Variants in PCDHGB7 observed in about 807,000 individuals in gnomAD.
PCDHGB7 encodes the protein protocadherin gamma subfamily B, 7.
A neutral mutation model predicts 61.4 loss-of-function variants in PCDHGB7; 37 were observed. The observed-to-expected ratio is 0.60, with a 90% confidence interval of 0.46 to 0.79. The LOEUF is 0.79. Ranked by LOEUF, PCDHGB7 falls within the 30% of genes least tolerant of loss-of-function variation. The pLI is 0.00. For synonymous variants in PCDHGB7, 464 were observed against 503.5 expected, an observed-to-expected ratio of 0.92 and a Z score of 1.05; for missense variants, 1,166 against 1,202.5, an observed-to-expected ratio of 0.97 and a Z score of 0.45.
At chr5:141,453,083 A>G (rs1404530649) in intron 1 of PCDHGB7, among the ~76,000 whole-genome samples, 1 of 152,044 alleles carries the variant, frequency 6.6e-6, no homozygotes, top group African/African-American at 2.4e-5. Flanking sequence ...CTGGTTGATT[A>G]GTATATTTTC....
intron 1 of PCDHGB7, chr5:141,423,165 C>T (rs1307049367): frequency 6.8e-6 from 11 of 1,613,434 alleles, no homozygotes; most frequent in Admixed American, 3.3e-5. Context: ...TCGTGGTGGC[C>T]GTCCAGGACC....
intron 1 of PCDHGB7, among the ~76,000 whole-genome samples, chr5:141,457,384 G>A (rs2154565902): frequency 6.6e-6 from 1 of 152,270 alleles, no homozygotes; most frequent in African/African-American, 2.4e-5. Context: ...CCCAGAACTA[G>A]CATATTGATT....
chr5:141,437,434 G>A (rs183505868), intron 1 of PCDHGB7, among the ~76,000 whole-genome samples: 409 of 152,312 alleles, frequency 2.7e-3, no homozygotes, highest in Middle Eastern at 6.8e-3. Flanking sequence ...AGCAGCAATA[G>A]CATAGGAATG....
chr5:141,457,410 C>G (rs746966828), intron 1 of PCDHGB7, among the ~76,000 whole-genome samples: 1 of 152,182 alleles, frequency 6.6e-6, no homozygotes, highest in Non-Finnish European at 1.5e-5. Context: ...TTTCACATTA[C>G]CCATCCCTTT....
Position 141,487,522 on chromosome 5 carries a change from T to G in PCDHGB7, c.2416-7285T>G, listed in dbSNP as rs764726787. Reference sequence around the variant, plus strand: ...TGGCTTCTGCACCCACTCGGAGTGATAGCTTCATGATGGTGAAGTCACCCA... The same window carrying G: ...TGGCTTCTGCACCCACTCGGAGTGAGAGCTTCATGATGGTGAAGTCACCCA... On this transcript the variant is annotated intron_variant, in intron 1 of 3. Transcript: ENST00000398594. This position sits in a 1 kb window ranked among gnomAD's most constrained non-coding sequence, Gnocchi z 5.0. The G allele has an allele frequency of 6.2e-7, 1 of 1,614,166 alleles. No individual in the cohort carries two copies. The highest frequency in any genetic ancestry group is 8.5e-7 in the Non-Finnish European group (1 of 1,180,022).
rs1436956912 is a variant in PCDHGB7, at chr5:141,438,609, TATATATATATATATATATATATATATAC to T, written c.2415+18337_2415+18364del. Reference sequence around the variant, plus strand: ...ATACATACATATATATATATATATATATATATATATATATATATATATATATACACACACACACACACATATATGTATA... The same window carrying T: ...ATACATACATATATATATATATATATACACACACACACACATATATGTATA... On this transcript the variant is annotated intron_variant, in intron 1 of 3. Coordinates refer to ENST00000398594, the MANE Select transcript of PCDHGB7 (RefSeq NM_018927.4). Among the ~76,000 whole-genome samples the T allele has an allele frequency of 2.2e-3, 92 of 41,082 alleles. 2 individuals are homozygous for T. Among genetic ancestry groups the T allele is most frequent in the East Asian group, 7.4e-3 (6 of 810 alleles). The allele number at this position is 41,082 out of a possible 152,430, so 27.0% of individuals were successfully genotyped here.
At chr5:141,494,364 G>A (rs1461560857) in intron 1 of PCDHGB7, among the ~76,000 whole-genome samples, 1 of 152,202 alleles carries the variant, frequency 6.6e-6, no homozygotes, top group African/African-American at 2.4e-5. Context: ...TGCAGAGGAT[G>A]CTTTGTTCCC....
chr5:141,489,287 T>C lies in PCDHGB7; in HGVS notation c.2416-5520T>C. 1 of 1,573,410 alleles carries C rather than the reference T, an allele frequency of 6.4e-7. No individual in the cohort carries two copies. Among genetic ancestry groups the C allele is most frequent in the Non-Finnish European group, 8.6e-7 (1 of 1,159,858 alleles). ...CAGCTCGCTGGGAAATGGCAAGTGC[T>C]GTGCATGTTGTCCTTGTGCTGCTGG... On this transcript the variant is annotated intron_variant, in intron 1 of 3. Transcript: ENST00000398594. The surrounding 1 kb of genome is among the most constrained non-coding windows in gnomAD (Gnocchi z 4.5).
Position 141,443,253 on chromosome 5 carries a change from G to A in PCDHGB7, c.2415+22979G>A, listed in dbSNP as rs192939862. 1.8e-4 allele frequency among the ~76,000 whole-genome samples: 28 copies of A among 152,214 alleles called. No individual in the cohort carries two copies. The Middle Eastern group carries it at 0.014, about 74-fold the overall frequency. On this transcript the variant is annotated intron_variant, in intron 1 of 3. Transcript: ENST00000398594. Reference sequence around the variant, plus strand: ...CTTAGCACTTTGGGGCGCCAAGGCGGGTGGATCACTTGAGCCCAGGAGTTT... The same window carrying A: ...CTTAGCACTTTGGGGCGCCAAGGCGAGTGGATCACTTGAGCCCAGGAGTTT...
chr5:141,458,609 A>T (rs1037852455), intron 1 of PCDHGB7, among the ~76,000 whole-genome samples: 1 of 152,004 alleles, frequency 6.6e-6, no homozygotes, highest in Non-Finnish European at 1.5e-5. Flanking sequence ...TCACTCTGTC[A>T]GCCAGGCTGG....
intron 1 of PCDHGB7, chr5:141,430,868 G>A (rs1414256124): frequency 6.3e-7 from 1 of 1,597,104 alleles, no homozygotes; most frequent in Admixed American, 1.8e-5. Context: ...TTCAGTTCCG[G>A]AAGAGCTGGA....
Position 141,491,755 on chromosome 5 carries a change from G to T in PCDHGB7, c.2416-3052G>T, listed in dbSNP as rs1402188587. 3 of 1,582,078 alleles carry T rather than the reference G, an allele frequency of 1.9e-6. No individual in the cohort carries two copies. Among genetic ancestry groups the T allele is most frequent in the Non-Finnish European group, 2.6e-6 (3 of 1,165,458 alleles). On this transcript the variant is annotated intron_variant, in intron 1 of 3. Coordinates refer to ENST00000398594, the MANE Select transcript of PCDHGB7 (RefSeq NM_018927.4). This position sits in a 1 kb window ranked among gnomAD's most constrained non-coding sequence, Gnocchi z 6.9. ...CCCTGGGGGCGGCACTGGAGAAGCC[G>T]CCCGTCCTCATAAGGGATTGAACTT...
chr5:141,442,818 C>A (rs553817796), intron 1 of PCDHGB7, among the ~76,000 whole-genome samples: 1 of 151,882 alleles, frequency 6.6e-6, no homozygotes, highest in Non-Finnish European at 1.5e-5. Context: ...TGTACTGATC[C>A]AAAAATAAGG....
chr5:141,479,109 A>G (rs925202951), intron 1 of PCDHGB7, among the ~76,000 whole-genome samples: 4 of 152,234 alleles, frequency 2.6e-5, no homozygotes, highest in Admixed American at 2.6e-4. Context: ...TATTTCAAGC[A>G]TTCTACTGGA....
chr5:141,459,613 C>A (rs1040874685), intron 1 of PCDHGB7, among the ~76,000 whole-genome samples: 1 of 152,188 alleles, frequency 6.6e-6, no homozygotes, highest in African/African-American at 2.4e-5. Context: ...ATATGCTTAA[C>A]TTTATAAGAA....
chr5:141,504,752 A>G (rs1194764381), intron 2 of PCDHGB7, among the ~76,000 whole-genome samples: 23 of 151,894 alleles, frequency 1.5e-4, no homozygotes, highest in Non-Finnish European at 3.2e-4. Flanking sequence ...TGAATTTTAG[A>G]AATTTCTTCT....
Position 141,485,666 on chromosome 5 carries a change from A to C in PCDHGB7, c.2416-9141A>C. 1.2e-6 allele frequency: 2 copies of C among 1,612,786 alleles called. No homozygotes were observed. Among genetic ancestry groups the C allele is most frequent in the Non-Finnish European group, 1.7e-6 (2 of 1,178,960 alleles). ...GGCTCAGGATGCAGATGTGGGGAGCAATTCGATTAGCAGCTATAGGCTGAG... is the reference window on the plus strand; with the variant it reads ...GGCTCAGGATGCAGATGTGGGGAGCCATTCGATTAGCAGCTATAGGCTGAG... On this transcript the variant is annotated intron_variant, in intron 1 of 3. Transcript: ENST00000398594. This position sits in a 1 kb window ranked among gnomAD's most constrained non-coding sequence, Gnocchi z 5.7.
intron 1 of PCDHGB7, chr5:141,479,325 A>C (rs2099492835): frequency 6.6e-6 from 1 of 152,648 alleles, no homozygotes; most frequent in South Asian, 2.1e-4. Context: ...AGCCAGACTC[A>C]GTGGTGTGCA....
In PCDHGB7 at chr5:141,478,732, T is replaced by C. The variant is rs772167680; in HGVS notation, c.2416-16075T>C. 7.2e-6 allele frequency: 11 copies of C among 1,537,428 alleles called. No homozygotes were observed. In the South Asian group the frequency reaches 1.2e-4, roughly 17 times the overall value. On this transcript the variant is annotated intron_variant, in intron 1 of 3. Transcript: ENST00000398594. ...GAGATGGTGGCCTGCCAGAGTGTGG[T>C]TTGTGGTCCCATTTCAGGGGGAAGA...
Sources: allele counts gnomAD v4.1 joint callset (sites outside exome capture counted in the v4.1 genomes callset), GRCh38; gene constraint gnomAD v4.1.1; non-coding constraint Gnocchi (gnomAD v3.1); transcripts MANE v1.5; gene names NCBI Gene and HGNC (gene_info 2026-07-23, HGNC 2026-07-21).